The following KIF26B variants were observed in gnomAD, a reference collection of about 807,000 sequenced individuals.
The protein encoded by KIF26B is kinesin-like protein KIF26B.
Under a neutral mutation model 151.2 loss-of-function variants are expected in KIF26B, and 63 were observed. The observed-to-expected ratio is 0.42, with a 90% CI of 0.34 to 0.51. The LOEUF is 0.51. Among genes scored for constraint, KIF26B ranks in the 20% least tolerant of loss-of-function variants. The pLI, the probability that KIF26B is intolerant of heterozygous loss-of-function variation, is 0.07. For missense variants in KIF26B, 2,813 were observed against 2,913.6 expected (o/e 0.97, Z 0.79); for synonymous variants, 1,357 against 1,262.1 (o/e 1.08, Z -1.59).
chr1:245,225,476 C>T lies in KIF26B; in HGVS notation c.465+68793C>T, dbSNP rs6674041. Among the ~76,000 whole-genome samples the T allele has an allele frequency of 6.9e-3, 1,057 of 152,310 alleles. 13 individuals carry two copies. Among genetic ancestry groups the T allele is most frequent in the African/African-American group, 0.024 (990 of 41,552 alleles). ...CAGGAGGGCTGATGGAGAAAACATG[C>T]GTCGGATGCTTACACCGGCCGTGTC... On this transcript the variant is annotated intron_variant, in intron 2 of 14. Coordinates refer to ENST00000407071, the MANE Select transcript of KIF26B (RefSeq NM_018012.4).
chr1:245,269,698 A>C (rs1276429249), intron 2 of KIF26B, among the ~76,000 whole-genome samples: 1 of 151,978 alleles, frequency 6.6e-6, no homozygotes, highest in Non-Finnish European at 1.5e-5. Flanking sequence ...CTCCTGATCT[A>C]GTGATCCATC....
chr1:245,641,846 A>G (rs2043895296), intron 9 of KIF26B, among the ~76,000 whole-genome samples: 1 of 152,172 alleles, frequency 6.6e-6, no homozygotes, highest in South Asian at 2.1e-4. Context: ...CTTTGACATC[A>G]TATTTCCCTG....
At chr1:245,195,544 T>C (rs1170412491) in intron 2 of KIF26B, among the ~76,000 whole-genome samples, 1 of 152,184 alleles carries the variant, frequency 6.6e-6, no homozygotes, top group Non-Finnish European at 1.5e-5. Flanking sequence ...GGGAGGGGCA[T>C]CTTCCTTTCC....
chr1:245,386,722 T>A (rs994564313), intron 3 of KIF26B, among the ~76,000 whole-genome samples: 1 of 152,178 alleles, frequency 6.6e-6, no homozygotes, highest in Non-Finnish European at 1.5e-5. Flanking sequence ...AATGAACAAC[T>A]TCATCAGGTT....
chr1:245,261,822 A>G (rs1490031648), intron 2 of KIF26B, among the ~76,000 whole-genome samples: 1 of 151,750 alleles, frequency 6.6e-6, no homozygotes, highest in Non-Finnish European at 1.5e-5. Flanking sequence ...GGCTCAAGCA[A>G]TCTACCCACC....
chr1:245,690,820 A>G (rs1158167294), intron 12 of KIF26B, among the ~76,000 whole-genome samples: 1 of 151,954 alleles, frequency 6.6e-6, no homozygotes, highest in African/African-American at 2.4e-5. Flanking sequence ...CAGCACTTGG[A>G]GCAGAACCCC....
At chr1:245,263,889 TC>T (rs1670695584) in intron 2 of KIF26B, among the ~76,000 whole-genome samples, 1 of 152,220 alleles carries the variant, frequency 6.6e-6, no homozygotes. Context: ...CATCTTGTGG[TC>T]CGTTCTGTGT....
intron 9 of KIF26B, among the ~76,000 whole-genome samples, chr1:245,618,875 C>G (rs1425891798): frequency 1.4e-5 from 2 of 147,360 alleles, no homozygotes; most frequent in African/African-American, 5.1e-5. Flanking sequence ...TGCCACAGTG[C>G]TGGGGCTGTG....
At chr1:245,342,799 TTAA>T (rs1672361543) in intron 2 of KIF26B, among the ~76,000 whole-genome samples, 1 of 152,030 alleles carries the variant, frequency 6.6e-6, no homozygotes, top group South Asian at 2.1e-4. Context: ...AGAATTTAGA[TTAA>T]TGTGCCAGGC....
At chr1:245,635,644 AT>A (rs199776526) in intron 9 of KIF26B, among the ~76,000 whole-genome samples, 65 of 147,360 alleles carry the variant, frequency 4.4e-4, no homozygotes, top group African/African-American at 1.2e-3. Context: ...CCTTTCTGCT[AT>A]TTTTTTTTCC....
chr1:245,193,887 AT>A (rs1386154181), intron 2 of KIF26B, among the ~76,000 whole-genome samples: 1 of 152,230 alleles, frequency 6.6e-6, no homozygotes, highest in Non-Finnish European at 1.5e-5. Flanking sequence ...GCAGAGAAAG[AT>A]TCAGAGCAGA....
intron 2 of KIF26B, among the ~76,000 whole-genome samples, chr1:245,325,732 G>A (rs745993721): frequency 6.6e-6 from 1 of 151,900 alleles, no homozygotes; most frequent in South Asian, 2.1e-4. Flanking sequence ...GAAAAAAAAA[G>A]AATCCATTTC....
intron 10 of KIF26B, among the ~76,000 whole-genome samples, chr1:245,657,943 C>G (rs1488793505): frequency 6.6e-6 from 1 of 152,216 alleles, no homozygotes; most frequent in Non-Finnish European, 1.5e-5. Context: ...GAACATTCCA[C>G]TAGCTCAGGT....
chr1:245,287,490 C>CT (rs1306048445), intron 2 of KIF26B, among the ~76,000 whole-genome samples: 6 of 133,652 alleles, frequency 4.5e-5, no homozygotes, highest in Non-Finnish European at 7.8e-5. Flanking sequence ...TGTCTCATCT[C>CT]TCTCTCTCTT....
chr1:245,662,639 C>T (rs7529952), intron 10 of KIF26B, among the ~76,000 whole-genome samples: 1 of 38,966 alleles, frequency 2.6e-5, no homozygotes, highest in Non-Finnish European at 6.0e-5. Context: ...GTGATATATA[C>T]ACACACACAC....
At chr1:245,419,119 G>A (rs141078836) in intron 3 of KIF26B, among the ~76,000 whole-genome samples, 3 of 152,212 alleles carry the variant, frequency 2.0e-5, no homozygotes, top group African/African-American at 2.4e-5. Flanking sequence ...ACCAAATACC[G>A]TTGTATTTTG....
chr1:245,446,275 A>C (rs775343447), intron 4 of KIF26B, among the ~76,000 whole-genome samples: 2 of 152,208 alleles, frequency 1.3e-5, no homozygotes, highest in Non-Finnish European at 2.9e-5. Flanking sequence ...CAGTGTTATC[A>C]TCTTGGGGAC....
chr1:245,641,593 C>G (rs1363171645), intron 9 of KIF26B, among the ~76,000 whole-genome samples: 2 of 151,990 alleles, frequency 1.3e-5, no homozygotes, highest in African/African-American at 2.4e-5. Flanking sequence ...ATCCTTTCTT[C>G]TTTTTGATCA....
At chr1:245,541,739 T>C (rs554717348) in intron 5 of KIF26B, among the ~76,000 whole-genome samples, 1 of 152,290 alleles carries the variant, frequency 6.6e-6, no homozygotes, top group African/African-American at 2.4e-5. Context: ...ACTCCGGCCC[T>C]GGGCTTCATT....
Sources: gnomAD v4.1 joint callset for allele counts (sites outside exome capture counted in the v4.1 genomes callset) on GRCh38, gnomAD v4.1.1 for gene constraint, MANE v1.5 for transcripts, NCBI Gene and HGNC (gene_info 2026-07-23, HGNC 2026-07-21) for gene names.